SH3GL3: variants seen among roughly 807,000 people sequenced by gnomAD.
SH3GL3 encodes endophilin-A3.
A neutral mutation model predicts 47.7 loss-of-function variants in SH3GL3; 33 were observed. The ratio of observed to expected loss-of-function variants is 0.69; its 90% CI spans 0.52 to 0.92. The LOEUF is 0.92. Ranked by LOEUF, SH3GL3 falls within the 40% of genes least tolerant of loss-of-function variation. The pLI, the probability that SH3GL3 is intolerant of heterozygous loss-of-function variation, is 0.00. For missense variants in SH3GL3, 363 were observed against 417.8 expected (o/e 0.87, Z 1.14); for synonymous variants, 155 against 148.8 (o/e 1.04, Z -0.30).
intron 1 of SH3GL3, among the ~76,000 whole-genome samples, chr15:83,475,242 C>T (rs918497216): frequency 2.0e-5 from 3 of 151,988 alleles, no homozygotes; most frequent in Admixed American, 1.3e-4. Flanking sequence ...CTTTGGGAGG[C>T]CAAGGCAGGC....
chr15:83,616,916 A>G (rs2060836868), intron 8 of SH3GL3, among the ~76,000 whole-genome samples: 1 of 152,228 alleles, frequency 6.6e-6, no homozygotes, highest in South Asian at 2.1e-4. Context: ...AAGAAATGTT[A>G]CATTGTGAGA....
intron 1 of SH3GL3, among the ~76,000 whole-genome samples, chr15:83,460,647 T>C (rs1477543586): frequency 6.6e-6 from 1 of 152,240 alleles, no homozygotes; most frequent in Admixed American, 6.5e-5. Context: ...AACTGCATCA[T>C]CTTTAATAAG....
intron 1 of SH3GL3, among the ~76,000 whole-genome samples, chr15:83,505,826 G>A (rs1053583619): frequency 2.6e-5 from 4 of 151,962 alleles, no homozygotes; most frequent in Admixed American, 6.6e-5. Context: ...CACTGCGTCC[G>A]GCCTGAATTT....
intron 2 of SH3GL3, among the ~76,000 whole-genome samples, chr15:83,563,371 C>T (rs1035394252): frequency 3.8e-4 from 57 of 151,988 alleles, no homozygotes; most frequent in Non-Finnish European, 7.4e-5. Flanking sequence ...GCAATTTGCT[C>T]GTGTGTTTCT....
chr15:83,492,215 G>A (rs1036182790), intron 1 of SH3GL3, among the ~76,000 whole-genome samples: 3 of 149,154 alleles, frequency 2.0e-5, no homozygotes, highest in African/African-American at 5.0e-5. Context: ...CCTGGGAATC[G>A]GAGGTTGCAG....
chr15:83,615,568 T>TC (rs1341137943), intron 8 of SH3GL3, among the ~76,000 whole-genome samples: 2 of 152,204 alleles, frequency 1.3e-5, no homozygotes, highest in African/African-American at 2.4e-5. Context: ...CGCCTTGGCC[T>TC]CCCAGAGTGC....
intron 1 of SH3GL3, among the ~76,000 whole-genome samples, chr15:83,473,306 G>A (rs904277741): frequency 6.6e-6 from 1 of 152,098 alleles, no homozygotes; most frequent in Admixed American, 6.5e-5. Flanking sequence ...GTGAGGAGGG[G>A]AGAGGGCTAT....
At chr15:83,592,839 A>C (rs1280909181) in intron 8 of SH3GL3, among the ~76,000 whole-genome samples, 1 of 152,210 alleles carries the variant, frequency 6.6e-6, no homozygotes, top group Non-Finnish European at 1.5e-5. Context: ...TGGGATTAAA[A>C]GTTATAAAAC....
At chr15:83,567,869 C>T (rs950506249) in intron 3 of SH3GL3, among the ~76,000 whole-genome samples, 4 of 152,074 alleles carry the variant, frequency 2.6e-5, no homozygotes, top group African/African-American at 7.2e-5. Context: ...TCAGCAACTG[C>T]AAGCTTTCCA....
intron 8 of SH3GL3, among the ~76,000 whole-genome samples, chr15:83,604,999 T>C (rs895692411): frequency 4.6e-5 from 7 of 152,204 alleles, no homozygotes; most frequent in African/African-American, 1.2e-4. Flanking sequence ...CAGAGGACAG[T>C]GAGGTCTTTG....
At chr15:83,573,556 C>T (rs2059592123) in intron 5 of SH3GL3, among the ~76,000 whole-genome samples, 1 of 152,204 alleles carries the variant, frequency 6.6e-6, no homozygotes, top group Non-Finnish European at 1.5e-5. Context: ...TGTTCAGAAA[C>T]CACTGTTCCA....
At chr15:83,574,780 GCTTTGTGCTTTCTCGCTATTTGCTGT>G (rs1215645189) in intron 5 of SH3GL3, among the ~76,000 whole-genome samples, 1 of 152,142 alleles carries the variant, frequency 6.6e-6, no homozygotes, top group Non-Finnish European at 1.5e-5. Flanking sequence ...GTGACGTTTT[GCTTTGTGCTTTCTCGCTATTTGCTGT>G]CTTTGTCCTT....
chr15:83,472,973 A>G (rs1318953109), intron 1 of SH3GL3, among the ~76,000 whole-genome samples: 6 of 152,122 alleles, frequency 3.9e-5, no homozygotes, highest in Admixed American at 1.3e-4. Flanking sequence ...AGTTCCGGCC[A>G]TTAGGCCTCC....
intron 6 of SH3GL3, among the ~76,000 whole-genome samples, chr15:83,577,560 T>C (rs971100087): frequency 3.3e-5 from 5 of 151,932 alleles, no homozygotes; most frequent in African/African-American, 1.2e-4. Context: ...CACCAAACCC[T>C]GATAATTTTT....
the SH3GL3 span, among the ~76,000 whole-genome samples, chr15:83,628,133 G>A: frequency 6.6e-6 from 1 of 152,174 alleles, no homozygotes; most frequent in African/African-American, 2.4e-5. Flanking sequence ...AGAGGGGGCT[G>A]TGATACACAT....
At chr15:83,577,460 G>A (rs1049389217) in intron 6 of SH3GL3, among the ~76,000 whole-genome samples, 1 of 152,110 alleles carries the variant, frequency 6.6e-6, no homozygotes, top group African/African-American at 2.4e-5. Flanking sequence ...GAGTGCAGTG[G>A]CACGATTGTG....
chr15:83,566,363 A>AGTGTGT (rs1420988424), intron 3 of SH3GL3, among the ~76,000 whole-genome samples: 3,547 of 127,672 alleles, frequency 0.028, 51 homozygotes, highest in Non-Finnish European at 0.04. Flanking sequence ...AGAGAGAGAG[A>AGTGTGT]GAGTGTGTGT....
At chr15:83,544,316 T>C (rs976265035) in intron 1 of SH3GL3, among the ~76,000 whole-genome samples, 4 of 152,118 alleles carry the variant, frequency 2.6e-5, no homozygotes, top group Non-Finnish European at 5.9e-5. Context: ...TTCGTATAGT[T>C]TTTAGAGTTT....
At chr15:83,556,743 T>G (rs1452672584) in intron 1 of SH3GL3, among the ~76,000 whole-genome samples, 2 of 151,978 alleles carry the variant, frequency 1.3e-5, no homozygotes, top group Non-Finnish European at 2.9e-5. Flanking sequence ...AAAAAAAAAG[T>G]TCATTTAGTT....
Sources: gnomAD v4.1 joint callset for allele counts (sites outside exome capture counted in the v4.1 genomes callset) on GRCh38, gnomAD v4.1.1 for gene constraint, MANE v1.5 for transcripts, NCBI Gene and HGNC (gene_info 2026-07-23, HGNC 2026-07-21) for gene names.